PRH1: variants seen among roughly 807,000 people sequenced by gnomAD.
PRH1 encodes the protein salivary acidic proline-rich phosphoprotein 1/2.
Under a neutral mutation model 7.9 loss-of-function variants are expected in PRH1, and 7 were observed. That is an observed-to-expected ratio of 0.89 (90% CI 0.50 to 1.67). The LOEUF is 1.67. PRH1 is among the 40% of genes most tolerant of loss of function. PRH1 has a pLI of 0.00. For synonymous variants in PRH1, 45 were observed against 80.8 expected (o/e 0.56, Z 2.38); for missense variants, 109 against 223.6 (o/e 0.49, Z 3.27).
intron 1 of PRH1, among the ~76,000 whole-genome samples, chr12:11,005,011 A>G (rs530188754): frequency 1.3e-5 from 2 of 152,238 alleles, no homozygotes; most frequent in African/African-American, 4.8e-5. Context: ...ATATCATTGG[A>G]TAAGATTCCC....
In PRH1 at chr12:10,978,783, GACAT is replaced by G. The variant is rs549930033; in HGVS notation, c.-125-5066_-125-5063del. ...AAGGCATAGACAATTTTCAAGTGAA[GACAT>G]ACACACAGCCAACAAGCATATGAAA... On this transcript the variant is annotated intron_variant, in intron 1 of 3. Transcript: ENST00000539853. Among the ~76,000 whole-genome samples the G allele has an allele frequency of 3.9e-3, 596 of 151,942 alleles. 1 individual carries two copies. Among genetic ancestry groups the G allele is most frequent in the African/African-American group, 0.014 (566 of 41,468 alleles).
At chr12:10,984,589 T>A (rs1161351086) in intron 1 of PRH1, among the ~76,000 whole-genome samples, 1 of 152,098 alleles carries the variant, frequency 6.6e-6, no homozygotes, top group African/African-American at 2.4e-5. Context: ...CTATATGATC[T>A]CTGCTTTTAT....
chr12:11,117,514 A>G (rs1489051438), downstream of PRH1, among the ~76,000 whole-genome samples: 1 of 152,162 alleles, frequency 6.6e-6, no homozygotes. Context: ...GATTCAATGC[A>G]ATTCCTATCA....
At chr12:10,997,770 C>A in intron 1 of PRH1, 1 of 1,613,836 alleles carries the variant, frequency 6.2e-7, no homozygotes, top group South Asian at 1.1e-5. Context: ...TGTCTCTTGA[C>A]CCAGGCAATG....
chr12:10,903,835 T>A (rs550903671), intron 2 of PRH1, among the ~76,000 whole-genome samples: 1 of 145,652 alleles, frequency 6.9e-6, no homozygotes, highest in Non-Finnish European at 1.5e-5. Context: ...AGTTTCAGGA[T>A]ACAAATCAAT....
chr12:10,908,636 G>A (rs1393031009), intron 2 of PRH1: 1 of 1,613,930 alleles, frequency 6.2e-7, no homozygotes, highest in African/African-American at 1.3e-5. Context: ...TGGTCCTGGG[G>A]TCTCTGTGTC....
chr12:11,015,872 T>C (rs1159335275), intron 1 of PRH1, among the ~76,000 whole-genome samples: 1 of 152,260 alleles, frequency 6.6e-6, no homozygotes, highest in Non-Finnish European at 1.5e-5. Flanking sequence ...TGTTTCCTGC[T>C]TAGCCCTTCA....
At chr12:11,065,611 T>C (rs1222192399) in intron 1 of PRH1, among the ~76,000 whole-genome samples, 2 of 152,206 alleles carry the variant, frequency 1.3e-5, no homozygotes, top group Non-Finnish European at 2.9e-5. Flanking sequence ...CTCTTTTTTA[T>C]CTTATTGTTT....
chr12:11,103,875 T>C (rs541869014), intron 1 of PRH1, among the ~76,000 whole-genome samples: 7 of 152,144 alleles, frequency 4.6e-5, no homozygotes, highest in African/African-American at 1.4e-4. Flanking sequence ...TCAAATAAAA[T>C]TGGTGTTAAG....
intron 1 of PRH1, chr12:10,997,141 T>C: frequency 6.2e-7 from 1 of 1,614,054 alleles, no homozygotes; most frequent in Non-Finnish European, 8.5e-7. Context: ...ACGATATGAT[T>C]AGACACAGAA....
At chr12:11,130,321 G>C (rs186854510) in intron 1 of PRH1, among the ~76,000 whole-genome samples, 3 of 152,240 alleles carry the variant, frequency 2.0e-5, no homozygotes, top group Middle Eastern at 3.4e-3. Context: ...AAGGTTTTTA[G>C]TGTCCCTAGT....
upstream of PRH1, among the ~76,000 whole-genome samples, chr12:10,886,408 G>A (rs1023538609): frequency 6.6e-6 from 1 of 152,182 alleles, no homozygotes; most frequent in Non-Finnish European, 1.5e-5. Flanking sequence ...CCTCCTAAAG[G>A]TCACTCAGCT....
At chr12:11,164,223 A>G (rs192078599) in intron 1 of PRH1, among the ~76,000 whole-genome samples, 1 of 152,322 alleles carries the variant, frequency 6.6e-6, no homozygotes, top group East Asian at 1.9e-4. Context: ...TCACCAATGT[A>G]GGTAGGCATC....
chr12:10,985,662 ACTT>A (rs1419050947), intron 1 of PRH1, among the ~76,000 whole-genome samples: 6 of 152,140 alleles, frequency 3.9e-5, no homozygotes, highest in Non-Finnish European at 7.3e-5. Context: ...ATTCTGAAAA[ACTT>A]CTTACCATAT....
rs756873847 is a variant in PRH1 at position 10,938,575 on chromosome 12, C to T, written c.-59+35080G>A. 21 of 1,613,872 alleles carry T rather than the reference C, an allele frequency of 1.3e-5. No individual in the cohort carries two copies. The African/African-American group carries it at 1.3e-4, about 10-fold the overall frequency. ...CGGATATTTTGACAGTGTGCTGCAT[C>T]TTCTTGCGATGTTTCCACATGGAGA... On this transcript the variant is annotated intron_variant, in intron 2 of 3. Transcript: ENST00000539853.
chr12:11,124,751 A>G (rs1288447714), intron 1 of PRH1, among the ~76,000 whole-genome samples: 1 of 152,250 alleles, frequency 6.6e-6, no homozygotes, highest in East Asian at 1.9e-4. Context: ...GCTAAAAGGG[A>G]GAATGTTATT....
rs1220165682 is a variant in PRH1 at position 10,986,677 on chromosome 12, ATG to A, written c.-125-12958_-125-12957del. On this transcript the variant is annotated intron_variant, in intron 1 of 3. Coordinates refer to the PRH1 transcript ENST00000539853. Reference sequence around the variant, plus strand: ...ACAGTTAAATACCAATTTAATAATAATGCCCAGAGCAAACCAATTCTGGAGAC... The same window carrying A: ...ACAGTTAAATACCAATTTAATAATAACCCAGAGCAAACCAATTCTGGAGAC... The A allele has an allele frequency of 2.5e-6, 4 of 1,612,190 alleles. No individual in the cohort carries two copies. In the African/African-American group the frequency reaches 5.4e-5, roughly 22 times the overall value.
intron 2 of PRH1, among the ~76,000 whole-genome samples, chr12:10,917,485 C>T (rs1049460858): frequency 3.3e-5 from 5 of 152,132 alleles, no homozygotes; most frequent in Admixed American, 3.3e-4. Flanking sequence ...TCAGAGCAAT[C>T]ATTTTTCAAA....
chr12:10,956,706 C>T (rs1300764243), intron 2 of PRH1, among the ~76,000 whole-genome samples: 2 of 152,118 alleles, frequency 1.3e-5, no homozygotes, highest in African/African-American at 4.8e-5. Context: ...GTCTGATAAA[C>T]AAACTCAGCA....
Sources: gnomAD v4.1 joint callset for allele counts (sites outside exome capture counted in the v4.1 genomes callset) on GRCh38, gnomAD v4.1.1 for gene constraint, MANE v1.5 for transcripts, NCBI Gene and HGNC (gene_info 2026-07-23, HGNC 2026-07-21) for gene names.